TLK2: variants seen among roughly 807,000 people sequenced by gnomAD.
TLK2 encodes the protein tousled like kinase 2.
A neutral mutation model predicts 117.3 loss-of-function variants in TLK2; 6 were observed. The observed-to-expected ratio is 0.05, with a 90% CI of 0.03 to 0.10. The LOEUF (loss-of-function observed/expected upper bound fraction) is 0.10. TLK2 is among the 10% of genes least tolerant of loss of function. The pLI is 1.00. For missense variants in TLK2, 299 were observed against 901.2 expected (o/e 0.33, Z 8.56); for synonymous variants, 257 against 316.7 (o/e 0.81, Z 2.00).
chr17:62,555,938 C>G (rs2078834898), intron 9 of TLK2, among the ~76,000 whole-genome samples: 1 of 152,146 alleles, frequency 6.6e-6, no homozygotes, highest in Non-Finnish European at 1.5e-5. Context: ...AGGCATGTGC[C>G]ACTACATTTG....
chr17:62,515,800 G>A (rs2075533306), intron 2 of TLK2, among the ~76,000 whole-genome samples: 1 of 152,076 alleles, frequency 6.6e-6, no homozygotes, highest in African/African-American at 2.4e-5. Flanking sequence ...TCTGTTGATT[G>A]TGTTGTTTAA....
chr17:62,551,510 C>A (rs1430020577), intron 7 of TLK2: 4 of 152,000 alleles, frequency 2.6e-5, no homozygotes, highest in Non-Finnish European at 4.4e-5. Context: ...TCAAGACCAT[C>A]CTGGCTAACA....
intron 2 of TLK2, among the ~76,000 whole-genome samples, chr17:62,488,256 T>C (rs1474500249): frequency 5.9e-5 from 9 of 152,166 alleles, no homozygotes; most frequent in Middle Eastern, 3.2e-3. Flanking sequence ...TTTCTATCTT[T>C]TATAAATTTT....
Position 62,555,531 on chromosome 17 carries a change from G to A in TLK2, c.720+1776G>A, listed in dbSNP as rs1466663990. ...AGAGTCTTGCTCTGTCGCCCAGGCT[G>A]AAGTGCAGTGGCGTGATCTCAGCTC... is the stretch of plus-strand genomic sequence containing the variant. On this transcript the variant is annotated intron_variant, in intron 9 of 21. Transcript: ENST00000346027. Among the ~76,000 whole-genome samples, 16 of 147,342 alleles carry A rather than the reference G, an allele frequency of 1.1e-4. No homozygotes were observed. In the Admixed American group the frequency reaches 1.1e-3, roughly 10 times the overall value.
chr17:62,599,535 G>A (rs2082724934), intron 17 of TLK2, among the ~76,000 whole-genome samples: 1 of 152,054 alleles, frequency 6.6e-6, no homozygotes, highest in South Asian at 2.1e-4. Flanking sequence ...AATGGGAGGG[G>A]GTCTCCACCT....
chr17:62,528,721 C>T lies in TLK2; in HGVS notation c.363+4390C>T, dbSNP rs147821627. Among the ~76,000 whole-genome samples the T allele has an allele frequency of 6.4e-3, 974 of 152,092 alleles. 9 individuals carry two copies. Among genetic ancestry groups the T allele is most frequent in the African/African-American group, 0.022 (910 of 41,496 alleles). ...CGTGAGCAACTGCGCCTGGCAAGCT[C>T]GGAATGATTTTTAGATTTTTAAAAG... On this transcript the variant is annotated intron_variant, in intron 6 of 21. Coordinates refer to ENST00000346027, the MANE Select transcript of TLK2 (RefSeq NM_006852.6).
At chr17:62,595,273 G>C (rs2082386572) in intron 16 of TLK2, among the ~76,000 whole-genome samples, 1 of 148,652 alleles carries the variant, frequency 6.7e-6, no homozygotes, top group Non-Finnish European at 1.5e-5. Context: ...GAGCTGCCGT[G>C]CCTGGCCCCC....
At chr17:62,595,702 C>G (rs986610461) in intron 16 of TLK2, among the ~76,000 whole-genome samples, 1 of 152,072 alleles carries the variant, frequency 6.6e-6, no homozygotes, top group African/African-American at 2.4e-5. Flanking sequence ...TCTAAGAAAA[C>G]TGGGGTTCCA....
At chr17:62,490,630 C>T (rs1406651128) in intron 2 of TLK2, among the ~76,000 whole-genome samples, 10 of 152,318 alleles carry the variant, frequency 6.6e-5, no homozygotes, top group Middle Eastern at 3.4e-3. Context: ...CAACCTCCAC[C>T]TCCCGGGTTC....
At chr17:62,478,604 C>CGG (rs1431204951), upstream of TLK2, among the ~76,000 whole-genome samples, 3 of 150,810 alleles carry the variant, frequency 2.0e-5, no homozygotes, top group Non-Finnish European at 4.5e-5. Flanking sequence ...GCTTCCTCCG[C>CGG]CGGCGCGGGG....
At chr17:62,550,608 C>CT (rs2146170221) in intron 7 of TLK2, 1 of 152,260 alleles carries the variant, frequency 6.6e-6, no homozygotes, top group African/African-American at 2.4e-5. Context: ...TGCTGCCTAT[C>CT]TGATGAGGCT....
rs2080460172 is a variant in TLK2, at chr17:62,573,234, T to C, written c.988T>C (p.Ser330Pro). The change falls in exon 12 of 22, where the codon TCA (serine) becomes CCA (proline). Residue 330 changes from serine to proline, a missense_variant. Physicochemically the swap from Ser to Pro is moderately conservative, Grantham distance 74 (BLOSUM62 -1). Transcript: ENST00000346027. The stretch of plus-strand genomic sequence containing the variant: ...CTCTAGGCAACAGGAAAGGATAAAT[T>C]CACAGAGGGAAGAGATAGAAAGACA... ...NLIKQQERINSQREEIERQRK... is the reference protein window; with the variant it reads ...NLIKQQERINPQREEIERQRK... 1 of 1,613,144 alleles carries C rather than the reference T, an allele frequency of 6.2e-7. No homozygotes were observed. The highest frequency in any genetic ancestry group is 1.1e-5 in the South Asian group (1 of 90,988).
upstream of TLK2, among the ~76,000 whole-genome samples, chr17:62,474,988 G>A (rs1457688825): frequency 6.6e-6 from 1 of 152,176 alleles, no homozygotes; most frequent in Non-Finnish European, 1.5e-5. Context: ...GGAGGTTGCA[G>A]TGAGCAGAGA....
At chr17:62,549,419 A>AAAAAAAT (rs2078236852) in intron 7 of TLK2, among the ~76,000 whole-genome samples, 1 of 7,742 alleles carries the variant, frequency 1.3e-4, no homozygotes, top group African/African-American at 2.1e-4. Context: ...AAAAAAAAAA[A>AAAAAAAT]AAAAAAAAAA....
Position 62,484,444 on chromosome 17 carries a change from G to A in TLK2, c.81+3238G>A, listed in dbSNP as rs141254040. On this transcript the variant is annotated intron_variant, in intron 2 of 21. Transcript: ENST00000346027. ...CCCGAGTAGCTGGGATTACAGGCAC[G>A]TGCCACCATACCCGGCTAATTTTTT... Among the ~76,000 whole-genome samples, 238 of 151,762 alleles carry A rather than the reference G, an allele frequency of 1.6e-3. 1 individual carries two copies. Among genetic ancestry groups the A allele is most frequent in the African/African-American group, 5.5e-3 (229 of 41,402 alleles).
chr17:62,519,900 G>A (rs566267849), intron 2 of TLK2, among the ~76,000 whole-genome samples: 11 of 152,130 alleles, frequency 7.2e-5, no homozygotes, highest in African/African-American at 2.7e-4. Context: ...ATTACATCCA[G>A]GAACCTCTTT....
chr17:62,511,167 C>T (rs533797962), intron 2 of TLK2, among the ~76,000 whole-genome samples: 1 of 152,240 alleles, frequency 6.6e-6, no homozygotes, highest in East Asian at 1.9e-4. Flanking sequence ...TATTACACTT[C>T]TAGGCAATTT....
chr17:62,536,631 A>G (rs1407293420), intron 7 of TLK2, among the ~76,000 whole-genome samples: 1 of 152,064 alleles, frequency 6.6e-6, no homozygotes, highest in Non-Finnish European at 1.5e-5. Flanking sequence ...AGAAGAAAAT[A>G]CAGATCAAAT....
At position 62,605,955 on chromosome 17, in the gene TLK2, C is replaced by T. The variant is rs137910875; in HGVS notation, c.1860-175C>T. 1.3e-3 allele frequency: 384 copies of T among 296,802 alleles called. 1 individual carries two copies. The highest frequency in any genetic ancestry group is 8.0e-3 in the African/African-American group (347 of 43,116). 18.4% of individuals were successfully genotyped at this position (296,802 alleles called of 1,614,324 possible). A position where few individuals can be genotyped will look rare whatever the true frequency, so the allele number is the denominator to read the frequency against. Reference sequence around the variant, plus strand: ...TCGGGAGGTTGAGGCCGTAATGAGCCATGATCACGCCACTGTACTCAGCCT... The same window carrying T: ...TCGGGAGGTTGAGGCCGTAATGAGCTATGATCACGCCACTGTACTCAGCCT... On this transcript the variant is annotated intron_variant, in intron 19 of 21. Coordinates refer to ENST00000346027, the MANE Select transcript of TLK2 (RefSeq NM_006852.6).
Sources: gnomAD v4.1 joint callset for allele counts (sites outside exome capture counted in the v4.1 genomes callset) on GRCh38, gnomAD v4.1.1 for gene constraint, MANE v1.5 for transcripts, NCBI Gene and HGNC (gene_info 2026-07-23, HGNC 2026-07-21) for gene names.